OSBPL5: variants seen among roughly 807,000 people sequenced by gnomAD.
The protein encoded by OSBPL5 is oxysterol-binding protein-related protein 5.
OSBPL5 carries 71 observed loss-of-function variants against 111.2 expected under a neutral mutation model. That is an observed-to-expected ratio of 0.64 (90% confidence interval 0.53 to 0.78). The LOEUF (loss-of-function observed/expected upper bound fraction) is 0.78. Among genes scored for constraint, OSBPL5 ranks in the 30% least tolerant of loss-of-function variants. The pLI is 0.00. For missense variants in OSBPL5, 1,210 were observed against 1,189.3 expected, an observed-to-expected ratio of 1.02 and a Z score of -0.26; for synonymous variants, 549 against 513.9, an observed-to-expected ratio of 1.07 and a Z score of -0.93.
intron 3 of OSBPL5, among the ~76,000 whole-genome samples, chr11:3,123,936 C>T (rs1279077318): frequency 6.6e-6 from 1 of 152,216 alleles, no homozygotes; most frequent in African/African-American, 2.4e-5. Context: ...CAGCACTGGG[C>T]ACCAGGCTTG....
intron 1 of OSBPL5, among the ~76,000 whole-genome samples, chr11:3,153,803 G>A (rs533715307): frequency 1.3e-5 from 2 of 152,278 alleles, no homozygotes. Context: ...CACCAGGCCC[G>A]GCTGCGGGTG....
At chr11:3,100,086 A>G in intron 14 of OSBPL5, 72 bp downstream of exon 14, 1 of 1,389,460 alleles carries the variant, frequency 7.2e-7, no homozygotes. Context: ...GCAAATAACC[A>G]AAGGGTTTTA....
chr11:3,093,057 G>C lies in OSBPL5; in HGVS notation c.1947-5C>G, dbSNP rs201397088. 3 of 1,564,618 alleles carry C rather than the reference G, an allele frequency of 1.9e-6. No individual in the cohort carries two copies. The highest frequency in any genetic ancestry group is 2.6e-6 in the Non-Finnish European group (3 of 1,156,552). ...CTGGTGACGTGCTGCCAGAGCCTGC[G>C]GGCCAGTGACCCATCCTGAGCCAGT... On this transcript the variant is annotated splice_polypyrimidine_tract_variant and splice_region_variant and intron_variant, in intron 17 of 21. Transcript: ENST00000263650.
chr11:3,088,065 C>T lies in OSBPL5; in HGVS notation c.*140G>A, dbSNP rs1342418162. On this transcript the variant is annotated 3_prime_UTR_variant, in exon 22 of 22. Transcript: ENST00000263650. ...CCTGGGCCCGCAGCGCCTTGTGGCC[C>T]CGGGTCCCTCCTGCGCCTGGACTCC... 1.4e-5 allele frequency: 11 copies of T among 806,342 alleles called. No individual in the cohort carries two copies. The highest frequency in any genetic ancestry group is 5.4e-5 in the African/African-American group (3 of 56,072). The allele number at this position is 806,342 out of a possible 1,614,324, so 49.9% of individuals were successfully genotyped here.
At chr11:3,089,516 G>A (rs921284779) in intron 21 of OSBPL5, among the ~76,000 whole-genome samples, 1 of 152,176 alleles carries the variant, frequency 6.6e-6, no homozygotes, top group Non-Finnish European at 1.5e-5. Context: ...CTGCCACCTC[G>A]CTCTGCACAC....
At chr11:3,114,603 T>C (rs1026358546) in intron 7 of OSBPL5, among the ~76,000 whole-genome samples, 5 of 141,498 alleles carry the variant, frequency 3.5e-5, no homozygotes, top group East Asian at 2.0e-4. Flanking sequence ...TTTTTTTTTT[T>C]TTTTTTTTTT....
intron 6 of OSBPL5, chr11:3,119,873 G>C: frequency 1.9e-6 from 1 of 522,672 alleles, no homozygotes; most frequent in Admixed American, 3.9e-5. Context: ...CCAGCTCTGA[G>C]CCTCCTGACT....
chr11:3,157,353 T>C (rs927868350), intron 1 of OSBPL5, among the ~76,000 whole-genome samples: 1 of 152,146 alleles, frequency 6.6e-6, no homozygotes, highest in African/African-American at 2.4e-5. Flanking sequence ...GAGGTCACCC[T>C]GATGAGACAG....
chr11:3,156,672 C>T (rs4304756), intron 1 of OSBPL5, among the ~76,000 whole-genome samples: 93,791 of 151,804 alleles, frequency 0.62, 29,676 homozygotes, highest in African/African-American at 0.72. Context: ...GCATGGTTCC[C>T]GTGTTTAGAT....
chr11:3,122,467 G>T, intron 3 of OSBPL5, 39 bp from the exon 4 acceptor site: 2 of 1,595,248 alleles, frequency 1.3e-6, no homozygotes, highest in Non-Finnish European at 1.7e-6. Flanking sequence ...AGGGCACAGG[G>T]GCCGGCCCAG....
chr11:3,111,953 C>CTGTG (rs71464198), intron 7 of OSBPL5, among the ~76,000 whole-genome samples: 1,507 of 142,606 alleles, frequency 0.011, 19 homozygotes, highest in Admixed American at 0.015. Flanking sequence ...AACATCCAAG[C>CTGTG]TGTGTGTGTG....
In OSBPL5 at chr11:3,126,392, GCT is replaced by G. The variant is rs1858626964; in HGVS notation, c.219+79_219+80del. 8 of 1,288,936 alleles carry G rather than the reference GCT, an allele frequency of 6.2e-6. No homozygotes were observed. The East Asian group carries it at 2.2e-4, about 35-fold the overall frequency. The allele number at this position is 1,288,936 out of a possible 1,614,324, so 79.8% of individuals were successfully genotyped here. On this transcript the variant is annotated intron_variant, in intron 3 of 21. Transcript: ENST00000263650. This position sits in a 1 kb window ranked among gnomAD's most constrained non-coding sequence, Gnocchi z 6.5. ...AATGGCAGGCTCAGCTGGACGCCCTGCTGTCCTTTTCCCCAGCCGTTTCCTGC... is the reference window on the plus strand; with the variant it reads ...AATGGCAGGCTCAGCTGGACGCCCTGGTCCTTTTCCCCAGCCGTTTCCTGC...
At chr11:3,139,346 C>A (rs1440702297) in intron 1 of OSBPL5, among the ~76,000 whole-genome samples, 1 of 152,216 alleles carries the variant, frequency 6.6e-6, no homozygotes, top group Non-Finnish European at 1.5e-5. Context: ...GGGGCATCAG[C>A]TCTGAAGGTG....
chr11:3,120,468 A>G lies in OSBPL5; in HGVS notation c.559T>C (p.Cys187Arg). The change falls in exon 6 of 22, where the codon TGC (cysteine) becomes CGC (arginine). Residue 187 changes from cysteine to arginine, a missense_variant. Transcript: ENST00000263650. ...TCCAGCGGGTGGAAGAGCTTGAAGC[A>G]GAAGCCGTCCTTCTTGGAGGGCCGC... ...IERPSKKDGF[C>R]FKLFHPLDQS... 1 of 1,613,364 alleles carries G rather than the reference A, an allele frequency of 6.2e-7. No homozygotes were observed. The highest frequency in any genetic ancestry group is 8.5e-7 in the Non-Finnish European group (1 of 1,180,036).
At chr11:3,151,504 A>T (rs1846584680) in intron 1 of OSBPL5, among the ~76,000 whole-genome samples, 1 of 152,220 alleles carries the variant, frequency 6.6e-6, no homozygotes, top group Admixed American at 6.5e-5. Context: ...GCTTCCTGCC[A>T]GCACAGCTGT....
intron 1 of OSBPL5, among the ~76,000 whole-genome samples, chr11:3,159,678 CTGGGGAGGGCCAGGGCCACGGCTGGG>C (rs1846894246): frequency 6.6e-6 from 1 of 152,174 alleles, no homozygotes; most frequent in Non-Finnish European, 1.5e-5. Context: ...CAGGGTGCAC[CTGGGGAGGGCCAGGGCCACGGCTGGG>C]TGGGGTGGCC....
chr11:3,164,425 G>C (rs1309522500), intron 1 of OSBPL5: 1 of 152,628 alleles, frequency 6.6e-6, no homozygotes, highest in Non-Finnish European at 1.5e-5. Context: ...CAGCGGTCTG[G>C]GTGGGGGTTG....
At chr11:3,091,374 G>A (rs901805862) in intron 19 of OSBPL5, among the ~76,000 whole-genome samples, 2 of 152,160 alleles carry the variant, frequency 1.3e-5, no homozygotes, top group African/African-American at 4.8e-5. Context: ...CGACGGGGCA[G>A]GTGGGGTCAG....
chr11:3,093,486 G>C, intron 17 of OSBPL5, 41 bp downstream of exon 17: 1 of 1,593,310 alleles, frequency 6.3e-7, no homozygotes, highest in Non-Finnish European at 8.5e-7. Flanking sequence ...GGCCATGTCA[G>C]GCTGTGGTCA....
Sources: gnomAD v4.1 joint callset for allele counts (sites outside exome capture counted in the v4.1 genomes callset) on GRCh38, gnomAD v4.1.1 for gene constraint, Gnocchi (gnomAD v3.1) non-coding constraint, MANE v1.5 for transcripts, NCBI Gene and HGNC (gene_info 2026-07-23, HGNC 2026-07-21) for gene names.